INPP4B: variants seen among roughly 807,000 people sequenced by gnomAD.
INPP4B encodes inositol polyphosphate 4-phosphatase type II.
In INPP4B, 55 loss-of-function variants were observed where a neutral mutation model predicts 122.5. That is an observed-to-expected ratio of 0.45 (90% CI 0.36 to 0.56). The LOEUF is 0.56. INPP4B is among the 20% of genes least tolerant of loss of function. INPP4B has a pLI of 0.00. For missense variants in INPP4B, 1,000 were observed against 1,097.7 expected, an observed-to-expected ratio of 0.91 and a Z score of 1.26; for synonymous variants, 403 against 388.7, an observed-to-expected ratio of 1.04 and a Z score of -0.43.
At position 142,154,172 on chromosome 4, in the gene INPP4B, A is replaced by T. The variant is rs1815927299; in HGVS notation, c.1563+6186T>A. On this transcript the variant is annotated intron_variant, in intron 17 of 25. Transcript: ENST00000262992. ...GTGTTCCCTCCTCCTTTTAAGATTA[A>T]CAGAACCATACAACCCTATTATGTG... 5.3e-5 allele frequency among the ~76,000 whole-genome samples: 8 copies of T among 152,204 alleles called. No individual in the cohort carries two copies. In the South Asian group the frequency reaches 1.7e-3, roughly 32 times the overall value.
chr4:142,416,289 G>A (rs553207230), intron 5 of INPP4B, among the ~76,000 whole-genome samples: 2 of 152,178 alleles, frequency 1.3e-5, no homozygotes, highest in African/African-American at 4.8e-5. Context: ...CCGACAGGGA[G>A]GCAGCTGTTC....
chr4:142,581,224 T>G (rs935494141), intron 2 of INPP4B, among the ~76,000 whole-genome samples: 8 of 151,992 alleles, frequency 5.3e-5, no homozygotes, highest in African/African-American at 1.9e-4. Context: ...CAAAAATAAG[T>G]ACATATTTTA....
At chr4:142,331,830 T>C (rs1205185218) in intron 7 of INPP4B, among the ~76,000 whole-genome samples, 1 of 151,638 alleles carries the variant, frequency 6.6e-6, no homozygotes, top group Non-Finnish European at 1.5e-5. Context: ...GAGCTTCTAA[T>C]TGTGATCCTT....
At chr4:142,652,357 GA>G in intron 2 of INPP4B, among the ~76,000 whole-genome samples, 1 of 152,156 alleles carries the variant, frequency 6.6e-6, no homozygotes, top group Non-Finnish European at 1.5e-5. Flanking sequence ...CATACTGTTA[GA>G]AGTTCTGGCC....
chr4:142,845,064 A>T (rs910789804), intron 1 of INPP4B, among the ~76,000 whole-genome samples: 2 of 152,202 alleles, frequency 1.3e-5, no homozygotes, highest in African/African-American at 4.8e-5. Flanking sequence ...CTGGTTAGGG[A>T]GAAGATAAAA....
chr4:142,212,925 A>G (rs1456928207), intron 12 of INPP4B, among the ~76,000 whole-genome samples: 2 of 152,170 alleles, frequency 1.3e-5, no homozygotes, highest in Non-Finnish European at 2.9e-5. Flanking sequence ...CAGTACCTCA[A>G]TTCTAAGGTT....
At chr4:142,071,447 C>T (rs1461301251) in intron 25 of INPP4B, among the ~76,000 whole-genome samples, 2 of 152,164 alleles carry the variant, frequency 1.3e-5, no homozygotes, top group East Asian at 3.9e-4. Flanking sequence ...ATGTCTAAAA[C>T]ACCAAAAGCA....
At chr4:142,531,382 A>C (rs10857395) in intron 2 of INPP4B, among the ~76,000 whole-genome samples, 118,297 of 151,958 alleles carry the variant, frequency 0.78, 47,711 homozygotes, top group Middle Eastern at 0.9. Context: ...ATAGGTTTTA[A>C]TGGAAAATTA....
intron 3 of INPP4B, among the ~76,000 whole-genome samples, chr4:142,448,719 G>A (rs974613046): frequency 2.6e-5 from 4 of 152,090 alleles, no homozygotes; most frequent in Admixed American, 2.0e-4. Context: ...CATCATTGTA[G>A]GACAACTATA....
intron 2 of INPP4B, among the ~76,000 whole-genome samples, chr4:142,637,507 T>C (rs1749432963): frequency 6.6e-6 from 1 of 152,232 alleles, no homozygotes; most frequent in African/African-American, 2.4e-5. Flanking sequence ...ATTTCTTCCA[T>C]GTATTGTCAT....
chr4:142,535,760 T>C (rs1386622710), intron 2 of INPP4B, among the ~76,000 whole-genome samples: 1 of 61,744 alleles, frequency 1.6e-5, no homozygotes, highest in East Asian at 2.1e-4. Flanking sequence ...CATCATTCTC[T>C]TTTTTTTTCC....
rs1168783435 is a variant in INPP4B, at chr4:142,124,711, G to A, written c.1770C>T (p.Cys590=). Residue 590 remains cysteine, a synonymous_variant, in exon 19 of 26, where the codon TGC becomes TGT. Transcript: ENST00000262992. ...LYPLILTLKD[C]MGEVVNRAKQ... is the part of the protein sequence containing the mutation. ...TGGCTCGGTTCACCACTTCTCCCATGCAGTCCTTCAGGGTAAGGATGAGGG... is the reference window on the plus strand; with the variant it reads ...TGGCTCGGTTCACCACTTCTCCCATACAGTCCTTCAGGGTAAGGATGAGGG... The A allele has an allele frequency of 1.2e-6, 2 of 1,609,854 alleles. No individual in the cohort carries two copies. Among genetic ancestry groups the A allele is most frequent in the African/African-American group, 1.3e-5 (1 of 74,806 alleles).
At chr4:142,702,892 T>G (rs1762000024) in intron 2 of INPP4B, among the ~76,000 whole-genome samples, 1 of 152,192 alleles carries the variant, frequency 6.6e-6, no homozygotes, top group African/African-American at 2.4e-5. Context: ...TAGATAACAT[T>G]GAAGATGTTT....
At chr4:142,305,431 A>G (rs1375436081) in intron 9 of INPP4B, 27 bp downstream of exon 9, 2 of 1,530,040 alleles carry the variant, frequency 1.3e-6, no homozygotes, top group Non-Finnish European at 9.0e-7. Context: ...TAACTTTAAC[A>G]GTATTTCTAC....
At position 142,167,102 on chromosome 4, in the gene INPP4B, T is replaced by C. The variant is rs575289104; in HGVS notation, c.1359+6530A>G. On this transcript the variant is annotated intron_variant, in intron 16 of 25. Transcript: ENST00000262992. The stretch of plus-strand genomic sequence containing the variant: ...AAAGATACATGCTCATGTATGTTCA[T>C]TGCAGCACTATTCACAATAGCAAAG... Among the ~76,000 whole-genome samples the C allele has an allele frequency of 5.3e-5, 8 of 152,046 alleles. No homozygotes were observed. In the East Asian group the frequency reaches 1.2e-3, roughly 22 times the overall value.
intron 7 of INPP4B, among the ~76,000 whole-genome samples, chr4:142,369,024 G>A (rs1486920309): frequency 1.3e-5 from 2 of 151,986 alleles, no homozygotes; most frequent in African/African-American, 4.8e-5. Flanking sequence ...AGGAAGAAGA[G>A]GAACTGGGAG....
intron 25 of INPP4B, among the ~76,000 whole-genome samples, chr4:142,046,597 AGT>A (rs1464626206): frequency 6.6e-6 from 1 of 152,122 alleles, no homozygotes; most frequent in Non-Finnish European, 1.5e-5. Flanking sequence ...TAGAGGCTAG[AGT>A]GAAAAGAAAG....
intron 12 of INPP4B, among the ~76,000 whole-genome samples, chr4:142,226,585 T>G (rs937814046): frequency 6.6e-6 from 1 of 152,204 alleles, no homozygotes; most frequent in African/African-American, 2.4e-5. Context: ...AAACTCCTAC[T>G]GTAAATATGC....
intron 12 of INPP4B, among the ~76,000 whole-genome samples, chr4:142,213,674 C>T (rs1018796713): frequency 6.6e-6 from 1 of 152,182 alleles, no homozygotes; most frequent in Non-Finnish European, 1.5e-5. Flanking sequence ...TCTAGTCTTA[C>T]TTCTTTCAGG....
Sources: allele counts gnomAD v4.1 joint callset (sites outside exome capture counted in the v4.1 genomes callset), GRCh38; gene constraint gnomAD v4.1.1; transcripts MANE v1.5; gene names NCBI Gene and HGNC (gene_info 2026-07-23, HGNC 2026-07-21).